CALN1: variants seen among roughly 807,000 people sequenced by gnomAD.
The protein encoded by CALN1 is calneuron 1, also known as calcium-binding protein 8.
Under a neutral mutation model 30.6 loss-of-function variants are expected in CALN1, and 17 were observed. The observed-to-expected ratio is 0.56, with a 90% CI of 0.38 to 0.83. CALN1 has a LOEUF of 0.83. CALN1 is among the 40% of genes least tolerant of loss of function. The probability of loss-of-function intolerance (pLI) is 0.00; values close to 1 mark genes in which losing one functional copy is unlikely to be tolerated. For missense variants in CALN1, 291 were observed against 354.9 expected (o/e 0.82, Z 1.45); for synonymous variants, 156 against 131.4 (o/e 1.19, Z -1.28).
intron 2 of CALN1, among the ~76,000 whole-genome samples, chr7:72,373,794 G>C (rs1321537644): frequency 2.0e-5 from 3 of 152,158 alleles, no homozygotes; most frequent in Non-Finnish European, 4.4e-5. Flanking sequence ...AACAGAGTAA[G>C]TCCCAAGAAA....
chr7:72,380,231 A>C (rs1184551354), intron 2 of CALN1, among the ~76,000 whole-genome samples: 1 of 152,178 alleles, frequency 6.6e-6, no homozygotes, highest in Admixed American at 6.5e-5. Flanking sequence ...AGCAAACGCC[A>C]AGCTTCAATG....
intron 1 of CALN1, among the ~76,000 whole-genome samples, chr7:72,407,988 C>A (rs1367941894): frequency 6.6e-6 from 1 of 152,158 alleles, no homozygotes; most frequent in Non-Finnish European, 1.5e-5. Context: ...GACTTTGATT[C>A]TCCCCTTCTG....
the CALN1 span, among the ~76,000 whole-genome samples, chr7:72,493,463 C>T: frequency 1.6e-4 from 24 of 151,988 alleles, no homozygotes; most frequent in East Asian, 1.9e-4. Context: ...CTCAGCCTCC[C>T]GAGTACCTAG....
intron 3 of CALN1, among the ~76,000 whole-genome samples, chr7:72,245,813 C>T (rs1339694694): frequency 2.0e-5 from 3 of 152,144 alleles, no homozygotes; most frequent in African/African-American, 4.8e-5. Context: ...ACTCAAAAGA[C>T]CAGTTCTTCT....
intron 3 of CALN1, among the ~76,000 whole-genome samples, chr7:72,187,500 A>T (rs1366042296): frequency 1.3e-5 from 2 of 152,162 alleles, no homozygotes; most frequent in African/African-American, 4.8e-5. Flanking sequence ...TCATAGGAGC[A>T]TAAGCCCTTT....
intron 3 of CALN1, among the ~76,000 whole-genome samples, chr7:72,267,242 G>A (rs1271590885): frequency 6.6e-6 from 1 of 152,180 alleles, no homozygotes; most frequent in Non-Finnish European, 1.5e-5. Flanking sequence ...AACAGTAGGG[G>A]ACGGGGGACC....
At chr7:72,291,126 G>A (rs1299326308) in intron 2 of CALN1, among the ~76,000 whole-genome samples, 1 of 152,050 alleles carries the variant, frequency 6.6e-6, no homozygotes, top group Non-Finnish European at 1.5e-5. Flanking sequence ...ATTTCACCAT[G>A]TTGGCCAGGC....
At chr7:72,217,431 T>C (rs1293373484) in intron 3 of CALN1, among the ~76,000 whole-genome samples, 2 of 152,104 alleles carry the variant, frequency 1.3e-5, no homozygotes, top group Non-Finnish European at 2.9e-5. Flanking sequence ...TCCATGCCAA[T>C]AAAGCGCTCT....
In CALN1 at chr7:72,364,751, T is replaced by C. The variant is rs545555817; in HGVS notation, c.119+38500A>G. On this transcript the variant is annotated intron_variant, in intron 2 of 6. Transcript: ENST00000395275. The stretch of plus-strand genomic sequence containing the variant: ...ATTAGCTTGATTTAATCATCCCACG[T>C]TGTATTCATATATCAAAACATCACA... Among the ~76,000 whole-genome samples, 68 of 152,356 alleles carry C rather than the reference T, an allele frequency of 4.5e-4. 2 individuals carry two copies. The South Asian group carries it at 0.014, about 31-fold the overall frequency.
chr7:71,818,198 G>A (rs1156491097), intron 5 of CALN1, among the ~76,000 whole-genome samples: 1 of 152,080 alleles, frequency 6.6e-6, no homozygotes, highest in Non-Finnish European at 1.5e-5. Flanking sequence ...GGGGTGAAGG[G>A]TGGGTCAGAG....
the CALN1 span, among the ~76,000 whole-genome samples, chr7:72,456,478 C>T: frequency 6.6e-6 from 1 of 152,106 alleles, no homozygotes; most frequent in South Asian, 2.1e-4. Flanking sequence ...TTCAAGACTG[C>T]AGTGAACTAT....
intron 4 of CALN1, among the ~76,000 whole-genome samples, chr7:72,076,896 T>C (rs1231687779): frequency 6.6e-6 from 1 of 152,078 alleles, no homozygotes; most frequent in Non-Finnish European, 1.5e-5. Flanking sequence ...GTATCCTTTC[T>C]CTCTCTTTTA....
At chr7:72,239,600 G>A (rs1280121611) in intron 3 of CALN1, among the ~76,000 whole-genome samples, 2 of 151,966 alleles carry the variant, frequency 1.3e-5, no homozygotes, top group Non-Finnish European at 1.5e-5. Context: ...AATTATCTGG[G>A]TATAACTTTT....
chr7:72,004,932 C>A (rs745503766), intron 5 of CALN1, among the ~76,000 whole-genome samples: 5 of 152,128 alleles, frequency 3.3e-5, no homozygotes, highest in Non-Finnish European at 7.4e-5. Context: ...AAATGCAAAA[C>A]TGCAGTTGAG....
intron 3 of CALN1, among the ~76,000 whole-genome samples, chr7:72,260,442 A>G (rs1329281469): frequency 6.6e-6 from 1 of 152,230 alleles, no homozygotes; most frequent in Non-Finnish European, 1.5e-5. Context: ...ACCCCAGGTT[A>G]AAAACTTCAG....
intron 5 of CALN1, among the ~76,000 whole-genome samples, chr7:71,948,522 G>A (rs1036159850): frequency 2.6e-5 from 4 of 152,120 alleles, no homozygotes; most frequent in East Asian, 1.9e-4. Flanking sequence ...CTGAGGTCAG[G>A]AATTCCAGAC....
intron 3 of CALN1, among the ~76,000 whole-genome samples, chr7:72,248,248 G>A (rs1795321601): frequency 6.6e-6 from 1 of 152,124 alleles, no homozygotes; most frequent in African/African-American, 2.4e-5. Flanking sequence ...CCAAGTAGCT[G>A]GGATTACAAG....
intron 1 of CALN1, among the ~76,000 whole-genome samples, chr7:72,407,882 T>C (rs1292439215): frequency 6.6e-6 from 1 of 152,086 alleles, no homozygotes; most frequent in Middle Eastern, 3.2e-3. Context: ...AGAGTCAAGC[T>C]GGAAACTCAG....
At chr7:71,850,291 C>T (rs2116581381) in intron 5 of CALN1, among the ~76,000 whole-genome samples, 1 of 152,344 alleles carries the variant, frequency 6.6e-6, no homozygotes, top group South Asian at 2.1e-4. Context: ...TCTCGGCTCA[C>T]TGCAACCTCC....
Sources: allele counts gnomAD v4.1 joint callset (sites outside exome capture counted in the v4.1 genomes callset), GRCh38; gene constraint gnomAD v4.1.1; transcripts MANE v1.5; gene names NCBI Gene and HGNC (gene_info 2026-07-23, HGNC 2026-07-21).